TBC1D22A: variants seen among roughly 807,000 people sequenced by gnomAD.
TBC1D22A encodes putative GTPase activator.
TBC1D22A carries 38 observed loss-of-function variants against 60.2 expected under a neutral mutation model. The observed-to-expected ratio is 0.63, with a 90% CI of 0.49 to 0.83. The LOEUF is 0.83. Among genes scored for constraint, TBC1D22A ranks in the 40% least tolerant of loss-of-function variants. TBC1D22A has a pLI of 0.00. For missense variants in TBC1D22A, 628 were observed against 701.0 expected (o/e 0.90, Z 1.18); for synonymous variants, 302 against 281.7 (o/e 1.07, Z -0.72).
At chr22:46,950,125 G>A (rs2072809368) in intron 8 of TBC1D22A, among the ~76,000 whole-genome samples, 1 of 152,252 alleles carries the variant, frequency 6.6e-6, no homozygotes, top group South Asian at 2.1e-4. Flanking sequence ...CCAAGTTGGA[G>A]TGATCGGTGG....
At chr22:46,831,026 A>G (rs2086287207) in intron 4 of TBC1D22A, among the ~76,000 whole-genome samples, 1 of 152,150 alleles carries the variant, frequency 6.6e-6, no homozygotes, top group Admixed American at 6.5e-5. Flanking sequence ...GTCACGGTGG[A>G]TGACAGTGAC....
intron 4 of TBC1D22A, among the ~76,000 whole-genome samples, chr22:46,846,981 T>C (rs1453365184): frequency 6.6e-6 from 1 of 152,134 alleles, no homozygotes; most frequent in Non-Finnish European, 1.5e-5. Context: ...TTTAGGCGGG[T>C]GTCCCCTTCT....
At chr22:46,866,220 T>G (rs1029050432) in intron 4 of TBC1D22A, among the ~76,000 whole-genome samples, 1 of 152,210 alleles carries the variant, frequency 6.6e-6, no homozygotes, top group Non-Finnish European at 1.5e-5. Flanking sequence ...TTCTCCTGCT[T>G]CAGCCTCCCA....
At chr22:46,780,857 G>T (rs983534147) in intron 1 of TBC1D22A, among the ~76,000 whole-genome samples, 1 of 152,244 alleles carries the variant, frequency 6.6e-6, no homozygotes, top group Admixed American at 6.5e-5. Flanking sequence ...CTGCTGTCAG[G>T]CAAGGACCAA....
At chr22:46,821,214 G>A (rs754051523) in intron 4 of TBC1D22A, among the ~76,000 whole-genome samples, 2 of 151,884 alleles carry the variant, frequency 1.3e-5, no homozygotes, top group Non-Finnish European at 2.9e-5. Flanking sequence ...TCTTTTAATT[G>A]GGGGCATTTA....
intron 8 of TBC1D22A, among the ~76,000 whole-genome samples, chr22:46,943,386 G>C (rs953013761): frequency 1.3e-5 from 2 of 152,184 alleles, no homozygotes; most frequent in African/African-American, 4.8e-5. Flanking sequence ...TGTAAGAACA[G>C]AATTTAAAAC....
chr22:46,932,287 G>A (rs773581286), intron 8 of TBC1D22A, among the ~76,000 whole-genome samples: 1 of 152,238 alleles, frequency 6.6e-6, no homozygotes, highest in Non-Finnish European at 1.5e-5. Flanking sequence ...AGGCCGTGCT[G>A]TGACCGTTCT....
rs747838862 is a variant in TBC1D22A at position 46,797,578 on chromosome 22, G to T, written c.595G>T (p.Asp199Tyr). ...GAGCGAAAGAGAGGCCTCCCGGCTC[G>T]ACAAGTTCAAGCAGCTGCTTGCCGG... The part of the protein sequence containing the change: ...ALSEREASRL[D>Y]KFKQLLAGPN... The change falls in exon 4 of 13, where the codon GAC becomes TAC. Residue 199 changes from aspartate (D) to tyrosine (Y), a missense_variant. Physicochemically the swap from Asp to Tyr is radical, Grantham distance 160. Coordinates refer to ENST00000337137, the MANE Select transcript of TBC1D22A (RefSeq NM_014346.5). The T allele has an allele frequency of 6.2e-7, 1 of 1,612,686 alleles. No individual in the cohort carries two copies. Among genetic ancestry groups the T allele is most frequent in the Non-Finnish European group, 8.5e-7 (1 of 1,179,034 alleles).
At chr22:46,841,765 C>T (rs1208385700) in intron 4 of TBC1D22A, among the ~76,000 whole-genome samples, 2 of 152,134 alleles carry the variant, frequency 1.3e-5, no homozygotes, top group Non-Finnish European at 2.9e-5. Flanking sequence ...ATCTCATGTA[C>T]AGCATGATGA....
intron 8 of TBC1D22A, among the ~76,000 whole-genome samples, chr22:46,932,650 G>T (rs530759291): frequency 7.3e-5 from 11 of 150,820 alleles, no homozygotes; most frequent in Non-Finnish European, 1.5e-4. Flanking sequence ...CGGTGGAGAT[G>T]ACTCCTTCTC....
intron 4 of TBC1D22A, among the ~76,000 whole-genome samples, chr22:46,825,192 A>G (rs1255411997): frequency 2.0e-5 from 3 of 152,152 alleles, no homozygotes; most frequent in Admixed American, 1.3e-4. Flanking sequence ...ATAACTTAAA[A>G]TCGATGACTA....
intron 11 of TBC1D22A, among the ~76,000 whole-genome samples, chr22:47,083,741 C>T (rs558691043): frequency 4.6e-5 from 7 of 152,276 alleles, no homozygotes; most frequent in African/African-American, 1.4e-4. Context: ...CCATCCCACA[C>T]ACTGGTGGGA....
chr22:47,050,899 A>T (rs1008470093), intron 11 of TBC1D22A, among the ~76,000 whole-genome samples: 1 of 152,054 alleles, frequency 6.6e-6, no homozygotes, highest in African/African-American at 2.4e-5. Flanking sequence ...GCTTCTGCTC[A>T]CAGTGTCTCT....
At chr22:46,838,758 A>G (rs2086627950) in intron 4 of TBC1D22A, among the ~76,000 whole-genome samples, 1 of 152,248 alleles carries the variant, frequency 6.6e-6, no homozygotes, top group East Asian at 1.9e-4. Flanking sequence ...GGTTCTACAC[A>G]CACAAGTCAA....
intron 12 of TBC1D22A, among the ~76,000 whole-genome samples, chr22:47,135,779 G>A (rs374621941): frequency 3.3e-5 from 5 of 152,386 alleles, no homozygotes; most frequent in South Asian, 2.1e-4. Context: ...GGGCGTGTGC[G>A]GAGAGTGCTG....
intron 11 of TBC1D22A, among the ~76,000 whole-genome samples, chr22:47,083,075 C>G (rs1312800724): frequency 6.6e-6 from 1 of 152,156 alleles, no homozygotes; most frequent in African/African-American, 2.4e-5. Context: ...AGAAAACATA[C>G]CGCCTGATTT....
At chr22:47,008,913 A>T (rs2061666663) in intron 10 of TBC1D22A, among the ~76,000 whole-genome samples, 1 of 152,222 alleles carries the variant, frequency 6.6e-6, no homozygotes, top group South Asian at 2.1e-4. Context: ...CGAAAATGCC[A>T]GGCCAGGAGC....
At chr22:46,971,642 C>T (rs958452694) in intron 8 of TBC1D22A, among the ~76,000 whole-genome samples, 4 of 152,218 alleles carry the variant, frequency 2.6e-5, no homozygotes, top group African/African-American at 7.2e-5. Context: ...AAAGGCGTTA[C>T]GAGGGGGCTG....
At chr22:46,841,251 GAAA>G (rs1330883952) in intron 4 of TBC1D22A, among the ~76,000 whole-genome samples, 1 of 152,176 alleles carries the variant, frequency 6.6e-6, no homozygotes, top group Non-Finnish European at 1.5e-5. Flanking sequence ...AGGGCCCTTA[GAAA>G]GAGGCCTGAG....
Sources: allele counts gnomAD v4.1 joint callset (sites outside exome capture counted in the v4.1 genomes callset), GRCh38; gene constraint gnomAD v4.1.1; transcripts MANE v1.5; gene names NCBI Gene and HGNC (gene_info 2026-07-23, HGNC 2026-07-21).